Variants in RAD54B observed in about 807,000 individuals in gnomAD.
RAD54B encodes RAD54 homolog B.
In RAD54B, 78 loss-of-function variants were observed where a neutral mutation model predicts 95.8. The ratio of observed to expected loss-of-function variants is 0.81; its 90% CI spans 0.68 to 0.98. The LOEUF (loss-of-function observed/expected upper bound fraction) is 0.98. RAD54B is among the 50% of genes least tolerant of loss of function. RAD54B has a pLI of 0.00. For synonymous variants in RAD54B, 328 were observed against 354.9 expected, an observed-to-expected ratio of 0.92 and a Z score of 0.85; for missense variants, 957 against 1,056.6, an observed-to-expected ratio of 0.91 and a Z score of 1.31.
intron 3 of RAD54B, among the ~76,000 whole-genome samples, chr8:94,439,567 A>G (rs1467081926): frequency 6.6e-6 from 1 of 152,100 alleles, no homozygotes; most frequent in Non-Finnish European, 1.5e-5. Context: ...AACATGTGCC[A>G]AGGTGGGTGG....
At chr8:94,399,810 C>G (rs1258036585) in intron 7 of RAD54B, among the ~76,000 whole-genome samples, 189 bp from the exon 8 acceptor site, 1 of 152,096 alleles carries the variant, frequency 6.6e-6, no homozygotes, top group East Asian at 1.9e-4. Flanking sequence ...ATTTATTTCT[C>G]ACAGTTCTGG....
chr8:94,454,483 C>T (rs888469548), intron 3 of RAD54B, among the ~76,000 whole-genome samples: 1 of 151,952 alleles, frequency 6.6e-6, no homozygotes, highest in Non-Finnish European at 1.5e-5. Flanking sequence ...CAAATAAAAC[C>T]AATAAAATAT....
At chr8:94,425,189 G>C (rs900430211) in intron 3 of RAD54B, among the ~76,000 whole-genome samples, 1 of 148,910 alleles carries the variant, frequency 6.7e-6, no homozygotes, top group Non-Finnish European at 1.5e-5. Context: ...GGAGTTGAAT[G>C]ACTTAATTGT....
chr8:94,391,586 A>T, intron 10 of RAD54B, 23 bp downstream of exon 10: 6 of 1,598,970 alleles, frequency 3.8e-6, no homozygotes, highest in Non-Finnish European at 5.1e-6. Context: ...TCCCTGACAC[A>T]GTTTCAGATA....
intron 3 of RAD54B, chr8:94,429,557 T>C: frequency 1.0e-6 from 1 of 982,672 alleles, no homozygotes; most frequent in Non-Finnish European, 1.2e-6. Flanking sequence ...TTACATCTCA[T>C]ATATGTGCTT....
chr8:94,439,429 T>C (rs3136401), intron 3 of RAD54B, among the ~76,000 whole-genome samples: 1,747 of 152,276 alleles, frequency 0.011, 25 homozygotes, highest in African/African-American at 0.04. Flanking sequence ...ACGCAGATCA[T>C]AGTGTGTTTG....
At position 94,378,182 on chromosome 8, in the gene RAD54B, G is replaced by A. The variant is rs751730777; in HGVS notation, c.2513C>T (p.Thr838Ile). 6 of 1,603,830 alleles carry A rather than the reference G, an allele frequency of 3.7e-6. No individual in the cohort carries two copies. In the East Asian group the frequency reaches 1.1e-4, roughly 30 times the overall value. ...DCECTGEEVH[T>I]GDSLEKFIVS... The stretch of plus-strand genomic sequence containing the variant: ...AACAGAATTAAAATATAACTAACCT[G>A]TATGAACTTCTTCTCCTGTACACTC... Residue 838 changes from threonine to isoleucine, a missense_variant and splice_region_variant, in exon 14 of 15, where the codon ACA (threonine) becomes ATA (isoleucine). By Grantham distance (89) the Thr-to-Ile change is moderately conservative. Coordinates refer to ENST00000336148, the MANE Select transcript of RAD54B (RefSeq NM_012415.3).
chr8:94,430,872 G>A, intron 3 of RAD54B: 3 of 985,382 alleles, frequency 3.0e-6, no homozygotes, highest in Non-Finnish European at 3.6e-6. Flanking sequence ...GGATACTACA[G>A]CCCAAATTGA....
intron 3 of RAD54B, chr8:94,432,339 T>C (rs755884521): frequency 2.1e-5 from 33 of 1,550,388 alleles, no homozygotes; most frequent in Non-Finnish European, 2.9e-5. Context: ...CTGAGGATCA[T>C]ACCCTAATAG....
chr8:94,457,827 G>C (rs1462367346), intron 3 of RAD54B, among the ~76,000 whole-genome samples: 2 of 152,122 alleles, frequency 1.3e-5, no homozygotes, highest in Admixed American at 6.5e-5. Context: ...TGGAGCATTT[G>C]TTAAATGCTT....
intron 1 of RAD54B, among the ~76,000 whole-genome samples, chr8:94,474,580 A>G (rs1031300115): frequency 1.3e-5 from 2 of 150,056 alleles, no homozygotes; most frequent in Non-Finnish European, 3.0e-5. Flanking sequence ...AAGAGGTAAA[A>G]GCCCCTAAAG....
Position 94,400,474 on chromosome 8 carries a change from T to A in RAD54B, c.945-11A>T, listed in dbSNP as rs2130009019. 1 of 1,584,428 alleles carries A rather than the reference T, an allele frequency of 6.3e-7. No individual in the cohort carries two copies. Among genetic ancestry groups the A allele is most frequent in the South Asian group, 1.1e-5 (1 of 87,176 alleles). ...CATCTGCCATTCATTCTGTTAGAAA[T>A]AATTTTACTTCCTTTAATCACAATA... On this transcript the variant is annotated splice_polypyrimidine_tract_variant and intron_variant, in intron 6 of 14. Transcript: ENST00000336148.
At chr8:94,400,164 G>T in intron 7 of RAD54B, 74 bp downstream of exon 7, 1 of 1,352,874 alleles carries the variant, frequency 7.4e-7, no homozygotes, top group Non-Finnish European at 1.0e-6. Context: ...GAGTTAACAA[G>T]TAAAAACTGA....
chr8:94,416,056 C>T (rs1811655094), intron 3 of RAD54B, among the ~76,000 whole-genome samples: 1 of 149,448 alleles, frequency 6.7e-6, no homozygotes, highest in Non-Finnish European at 1.5e-5. Context: ...GCTATAAAGA[C>T]ACATGCACAC....
At chr8:94,392,018 GA>G in intron 9 of RAD54B, 119 bp from the exon 10 acceptor site, 1 of 955,274 alleles carries the variant, frequency 1.0e-6, no homozygotes, top group Non-Finnish European at 1.5e-6. Flanking sequence ...AATTTTAAAA[GA>G]AATAAAATAT....
intron 10 of RAD54B, among the ~76,000 whole-genome samples, chr8:94,389,457 A>G (rs1473299390): frequency 6.6e-6 from 1 of 152,232 alleles, no homozygotes; most frequent in African/African-American, 2.4e-5. Context: ...TAATTGACCA[A>G]TAGATAATAT....
At chr8:94,415,171 A>G (rs1459319089) in intron 3 of RAD54B, among the ~76,000 whole-genome samples, 1 of 152,082 alleles carries the variant, frequency 6.6e-6, no homozygotes, top group Non-Finnish European at 1.5e-5. Context: ...AAACAGAGAT[A>G]TAGATCAATG....
intron 3 of RAD54B, among the ~76,000 whole-genome samples, chr8:94,439,141 A>G (rs1357739282): frequency 6.6e-6 from 1 of 152,172 alleles, no homozygotes; most frequent in Non-Finnish European, 1.5e-5. Context: ...ATAGAAGGGA[A>G]AGAGTACTCT....
chr8:94,415,286 A>C (rs1011179014), intron 3 of RAD54B, among the ~76,000 whole-genome samples: 2 of 142,572 alleles, frequency 1.4e-5, no homozygotes, highest in Non-Finnish European at 3.1e-5. Context: ...CTATTTAATA[A>C]ATGCTGCTGG....
Sources: gnomAD v4.1 joint callset for allele counts (sites outside exome capture counted in the v4.1 genomes callset) on GRCh38, gnomAD v4.1.1 for gene constraint, MANE v1.5 for transcripts, NCBI Gene and HGNC (gene_info 2026-07-23, HGNC 2026-07-21) for gene names.